The following ACACA variants were observed in gnomAD, a reference collection of about 807,000 sequenced individuals.
ACACA encodes the protein acetyl-CoA carboxylase alpha.
Under a neutral mutation model 296.1 loss-of-function variants are expected in ACACA, and 103 were observed. The observed-to-expected ratio is 0.35, with a 90% confidence interval of 0.30 to 0.41. The LOEUF (loss-of-function observed/expected upper bound fraction) is 0.41. Among genes scored for constraint, ACACA ranks in the 10% least tolerant of loss-of-function variants. ACACA has a pLI of 1.00. For synonymous variants in ACACA, 953 were observed against 1,038.6 expected (o/e 0.92, Z 1.58); for missense variants, 1,554 against 2,989.7 (o/e 0.52, Z 11.20).
chr17:37,271,305 C>T (rs1339333742), intron 9 of ACACA, among the ~76,000 whole-genome samples: 4 of 152,152 alleles, frequency 2.6e-5, no homozygotes, highest in African/African-American at 9.7e-5. Context: ...CACCTGAGGT[C>T]GGGAGTTCAA....
rs566683832 is a variant in ACACA at position 37,279,862 on chromosome 17, T to C, written c.611-1857A>G. Among the ~76,000 whole-genome samples, 22 of 152,270 alleles carry C rather than the reference T, an allele frequency of 1.4e-4. No homozygotes were observed. In the South Asian group the frequency reaches 4.1e-3, roughly 29 times the overall value. On this transcript the variant is annotated intron_variant, in intron 5 of 55. Transcript: ENST00000616317. ...TTATGCTTTACTGTACATAAATATA[T>C]ATATTTTTGGTATATATATGTTTAA...
At chr17:37,193,115 G>A (rs999027338) in intron 36 of ACACA, among the ~76,000 whole-genome samples, 1 of 152,064 alleles carries the variant, frequency 6.6e-6, no homozygotes, top group East Asian at 1.9e-4. Flanking sequence ...CACATCATTA[G>A]GATCATTCTA....
intron 1 of ACACA, among the ~76,000 whole-genome samples, chr17:37,351,842 C>T (rs532009742): frequency 1.1e-4 from 16 of 152,236 alleles, no homozygotes; most frequent in African/African-American, 3.1e-4. Context: ...TGTGAGCCAC[C>T]GTGCCCAGCC....
chr17:37,177,615 C>G (rs1033422952), intron 41 of ACACA, among the ~76,000 whole-genome samples: 14 of 152,176 alleles, frequency 9.2e-5, no homozygotes, highest in Non-Finnish European at 1.3e-4. Context: ...CCCATGTTCA[C>G]AAGGGTGCCT....
At chr17:37,210,945 T>G (rs1396477386) in intron 29 of ACACA, among the ~76,000 whole-genome samples, 1 of 152,072 alleles carries the variant, frequency 6.6e-6, no homozygotes, top group Non-Finnish European at 1.5e-5. Context: ...GGGAAGTTGA[T>G]TCCACAGCTC....
chr17:37,107,291 T>A lies in ACACA; in HGVS notation c.6565+4240A>T, dbSNP rs932880412. The stretch of plus-strand genomic sequence containing the variant: ...CTGGCTCTTTTCAGCTTTCAGCCTC[T>A]CGAAGATGGACATAAGAGTTGGAAA... On this transcript the variant is annotated intron_variant, in intron 52 of 55. Coordinates refer to ENST00000616317, the MANE Select transcript of ACACA (RefSeq NM_198834.3). 5.9e-5 allele frequency among the ~76,000 whole-genome samples: 9 copies of A among 152,334 alleles called. No homozygotes were observed. The East Asian group carries it at 1.5e-3, about 26-fold the overall frequency.
intron 1 of ACACA, chr17:37,386,034 T>A: frequency 6.2e-7 from 1 of 1,600,662 alleles, no homozygotes; most frequent in Non-Finnish European, 8.5e-7. Flanking sequence ...TCTCACAATG[T>A]AAAGTCCTGG....
At chr17:37,356,568 C>T (rs1054774340) in intron 1 of ACACA, among the ~76,000 whole-genome samples, 3 of 151,908 alleles carry the variant, frequency 2.0e-5, no homozygotes, top group Admixed American at 6.6e-5. Context: ...TTAGTAGAGA[C>T]GGGGTTTCAC....
chr17:37,200,201 G>A lies in ACACA; in HGVS notation c.4114-18C>T, dbSNP rs780233558. 6 of 1,598,802 alleles carry A rather than the reference G, an allele frequency of 3.8e-6. No homozygotes were observed. Among genetic ancestry groups the A allele is most frequent in the Non-Finnish European group, 5.1e-6 (6 of 1,166,216 alleles). ...CTGAAATCCTTTCAAATAAAAGAGAGAAAGGAAGGAAAGACAGCAGAAGTT... is the reference window on the plus strand; with the variant it reads ...CTGAAATCCTTTCAAATAAAAGAGAAAAAGGAAGGAAAGACAGCAGAAGTT... On this transcript the variant is annotated intron_variant, in intron 34 of 55. Coordinates refer to ENST00000616317, the MANE Select transcript of ACACA (RefSeq NM_198834.3).
intron 26 of ACACA, among the ~76,000 whole-genome samples, chr17:37,225,975 G>T (rs1033242199): frequency 6.6e-6 from 1 of 152,044 alleles, no homozygotes; most frequent in African/African-American, 2.4e-5. Flanking sequence ...ACACTTGGAA[G>T]TTTTCATCTG....
At chr17:37,319,316 AT>A (rs147646125) in intron 3 of ACACA, among the ~76,000 whole-genome samples, 4,091 of 152,150 alleles carry the variant, frequency 0.027, 180 homozygotes, top group African/African-American at 0.093. Flanking sequence ...TAGAAAGTGA[AT>A]TTTTTTGACT....
intron 29 of ACACA, among the ~76,000 whole-genome samples, chr17:37,215,813 GA>G (rs147491585): frequency 0.022 from 3,377 of 152,144 alleles, 120 homozygotes; most frequent in African/African-American, 0.077. Context: ...ACTCACTAGG[GA>G]AAGAAGGAGA....
chr17:37,145,303 G>T (rs890548925), intron 45 of ACACA, among the ~76,000 whole-genome samples: 7 of 152,130 alleles, frequency 4.6e-5, no homozygotes, highest in Non-Finnish European at 8.8e-5. Flanking sequence ...CAAGTACACA[G>T]GTTACTGCCT....
intron 29 of ACACA, chr17:37,221,425 G>T: frequency 2.4e-6 from 1 of 419,812 alleles, no homozygotes; most frequent in Non-Finnish European, 4.4e-6. Flanking sequence ...CAAAGTTCTA[G>T]CAAGTAAAAT....
rs779492521 is a variant in ACACA at position 37,259,497 on chromosome 17, C to T, written c.1363G>A (p.Val455Met). Residue 455 changes from valine to methionine, a missense_variant, in exon 12 of 56, where the codon GTG becomes ATG. By Grantham distance (21) the Val-to-Met change is conservative. Coordinates refer to ENST00000616317, the MANE Select transcript of ACACA (RefSeq NM_198834.3). Reference protein sequence around the residue: ...AVKLAKMVGYVSAGTVEYLYS... With the variant: ...AVKLAKMVGYMSAGTVEYLYS... ...AGGTATTCCACAGTCCCAGCACTCA[C>T]ATAACCCACCATTTTGGCAAGTTTC... 2 of 1,614,186 alleles carry T rather than the reference C, an allele frequency of 1.2e-6. No individual in the cohort carries two copies. Among genetic ancestry groups the T allele is most frequent in the South Asian group, 1.1e-5 (1 of 91,082 alleles).
intron 6 of ACACA, 52 bp from the exon 7 acceptor site, chr17:37,277,166 C>A: frequency 1.3e-6 from 2 of 1,510,004 alleles, no homozygotes; most frequent in Non-Finnish European, 1.8e-6. Flanking sequence ...AAAACCCCCA[C>A]AAACTGCAAG....
intron 1 of ACACA, chr17:37,358,915 G>A: frequency 1.0e-6 from 1 of 982,416 alleles, no homozygotes; most frequent in Non-Finnish European, 1.2e-6. Flanking sequence ...GCTGGGAGGC[G>A]GCCCCCTGCC....
At chr17:37,258,975 A>C (rs1033770665) in intron 12 of ACACA, among the ~76,000 whole-genome samples, 4 of 152,208 alleles carry the variant, frequency 2.6e-5, no homozygotes, top group Admixed American at 1.3e-4. Flanking sequence ...GTAAGGAAAA[A>C]CTTCAACCAC....
At position 37,330,294 on chromosome 17, in the gene ACACA, G is replaced by A. The variant is rs780027368; in HGVS notation, c.217C>T (p.Leu73=). The part of the protein sequence containing the change: ...EDNSEDEISN[L]VKLDLLEEKE... ...TCCTCCAGTAGGTCCAACTTCACCA[G>A]GTTGCTGATCTCATCCTCTGAGTTA... Residue 73 remains leucine (L), a synonymous_variant, in exon 3 of 56, where the codon CTG becomes TTG. Coordinates refer to ENST00000616317, the MANE Select transcript of ACACA (RefSeq NM_198834.3). 15 of 1,614,200 alleles carry A rather than the reference G, an allele frequency of 9.3e-6. No individual in the cohort carries two copies. The highest frequency in any genetic ancestry group is 1.6e-4 in the Middle Eastern group (1 of 6,062).
Sources: allele counts gnomAD v4.1 joint callset (sites outside exome capture counted in the v4.1 genomes callset), GRCh38; gene constraint gnomAD v4.1.1; transcripts MANE v1.5; gene names NCBI Gene and HGNC (gene_info 2026-07-23, HGNC 2026-07-21).